The following EFHC1 variants were observed in gnomAD, a reference collection of about 807,000 sequenced individuals.
EFHC1 encodes the protein EF-hand domain-containing protein 1.
EFHC1 carries 53 observed loss-of-function variants against 69.9 expected under a neutral mutation model. The ratio of observed to expected loss-of-function variants is 0.76; its 90% CI spans 0.61 to 0.95. The LOEUF is 0.95. EFHC1 is among the 40% of genes least tolerant of loss of function. EFHC1 has a pLI of 0.00. For missense variants in EFHC1, 739 were observed against 798.7 expected (o/e 0.93, Z 0.90); for synonymous variants, 256 against 278.4 (o/e 0.92, Z 0.80).
intron 5 of EFHC1, among the ~76,000 whole-genome samples, chr6:52,456,370 G>A (rs754251217): frequency 7.0e-4 from 106 of 152,038 alleles, no homozygotes; most frequent in Admixed American, 1.2e-3. Flanking sequence ...CATGCAGTTC[G>A]GAGCTAACAA....
intron 2 of EFHC1, among the ~76,000 whole-genome samples, chr6:52,433,729 C>G (rs191353333): frequency 4.0e-5 from 6 of 151,406 alleles, no homozygotes; most frequent in Non-Finnish European, 8.9e-5. Flanking sequence ...GGGTGGGCCC[C>G]TAGAACTCCC....
At chr6:52,480,231 C>T (rs1581847974) in intron 9 of EFHC1, 1 of 272,252 alleles carries the variant, frequency 3.7e-6, no homozygotes, top group East Asian at 9.8e-5. Flanking sequence ...AAATTATTTA[C>T]TATTCATTAA....
At chr6:52,466,119 C>T (rs1418613881) in intron 6 of EFHC1, among the ~76,000 whole-genome samples, 1 of 152,004 alleles carries the variant, frequency 6.6e-6, no homozygotes, top group East Asian at 1.9e-4. Flanking sequence ...AAAATACATG[C>T]ATTCATACAA....
chr6:52,441,612 A>T lies in EFHC1; in HGVS notation c.573+3021A>T, dbSNP rs142943922. ...CTTTTTGGGTACCATTGAATTTTAA[A>T]GTATTTTTTTCTAGTTCTGTGAAGA... is the stretch of plus-strand genomic sequence containing the variant. On this transcript the variant is annotated intron_variant, in intron 3 of 10. Transcript: ENST00000371068. Among the ~76,000 whole-genome samples the T allele has an allele frequency of 2.7e-3, 410 of 152,242 alleles. 4 individuals are homozygous for T. The highest frequency in any genetic ancestry group is 9.4e-3 in the African/African-American group (392 of 41,560).
intron 5 of EFHC1, among the ~76,000 whole-genome samples, chr6:52,463,318 G>C (rs779576958): frequency 6.6e-6 from 1 of 151,584 alleles, no homozygotes; most frequent in African/African-American, 2.4e-5. Context: ...CACTGTGCCC[G>C]GCCAAAACGA....
At chr6:52,454,983 T>A (rs1295758996) in intron 5 of EFHC1, among the ~76,000 whole-genome samples, 1 of 151,992 alleles carries the variant, frequency 6.6e-6, no homozygotes, top group Non-Finnish European at 1.5e-5. Flanking sequence ...TCCCAGCTAC[T>A]TGGGAGGCTG....
chr6:52,451,578 A>C (rs1368889871), intron 3 of EFHC1, among the ~76,000 whole-genome samples: 4 of 151,952 alleles, frequency 2.6e-5, no homozygotes, highest in African/African-American at 9.7e-5. Context: ...TCTTTCTTTC[A>C]TTTTGACCTT....
rs1765963004 is a variant in EFHC1 at position 52,493,413 on chromosome 6, A to C, written c.*1072A>C. The C allele has an allele frequency of 3.3e-6, 1 of 303,308 alleles. No individual in the cohort carries two copies. Among genetic ancestry groups the C allele is most frequent in the Non-Finnish European group, 6.4e-6 (1 of 156,606 alleles). 18.8% of individuals were successfully genotyped at this position (303,308 alleles called of 1,614,324 possible). ...TATATGTACACATTCATACACACAC[A>C]CGCTTATATGTATACATATAGTATG... On this transcript the variant is annotated 3_prime_UTR_variant, in exon 11 of 11. Transcript: ENST00000371068.
chr6:52,454,019 T>C lies in EFHC1; in HGVS notation c.724-76T>C, dbSNP rs1343933386. 8 of 1,608,872 alleles carry C rather than the reference T, an allele frequency of 5.0e-6. No homozygotes were observed. The Admixed American group carries it at 1.3e-4, about 27-fold the overall frequency. ...TTCCAGCTAGTCTTTCCATCGTTGA[T>C]ACATAATTGCCAAAGTAGCCAAGTT... On this transcript the variant is annotated intron_variant, in intron 4 of 10. Transcript: ENST00000371068.
rs2114046425 is a variant in EFHC1 at position 52,496,333 on chromosome 6, T to TA, written c.*3997dup. On this transcript the variant is annotated 3_prime_UTR_variant, in exon 11 of 11. Coordinates refer to ENST00000371068, the MANE Select transcript of EFHC1 (RefSeq NM_018100.4). ...ATAGTGCTTACGGCTTTGGGACTAATAAAAATCTGCCTTGCGGGTAAAGAT... is the reference window on the plus strand; with the variant it reads ...ATAGTGCTTACGGCTTTGGGACTAATAAAAAATCTGCCTTGCGGGTAAAGAT... 6.6e-6 allele frequency: 1 copy of TA among 152,408 alleles called. No homozygotes were observed. Among genetic ancestry groups the TA allele is most frequent in the East Asian group, 1.9e-4 (1 of 5,180 alleles). 9.4% of individuals were successfully genotyped at this position (152,408 alleles called of 1,614,324 possible).
At position 52,495,740 on chromosome 6, in the gene EFHC1, G is replaced by C. The variant is rs1000637938; in HGVS notation, c.*3399G>C. ...AGTAGCTAGGCCTGTAGTCTCAGAG[G>C]GAACTGTCTTCAATAAAGTTGGCAC... On this transcript the variant is annotated 3_prime_UTR_variant, in exon 11 of 11. Coordinates refer to ENST00000371068, the MANE Select transcript of EFHC1 (RefSeq NM_018100.4). 2.1e-5 allele frequency: 8 copies of C among 378,962 alleles called. No individual in the cohort carries two copies. Among genetic ancestry groups the C allele is most frequent in the African/African-American group, 1.5e-4 (7 of 47,260 alleles). 23.5% of individuals were successfully genotyped at this position (378,962 alleles called of 1,614,324 possible).
intron 5 of EFHC1, among the ~76,000 whole-genome samples, chr6:52,461,672 T>G (rs1159402923): frequency 6.6e-6 from 1 of 152,144 alleles, no homozygotes; most frequent in Non-Finnish European, 1.5e-5. Flanking sequence ...TTGAACTCAT[T>G]TACCCTCCCA....
intron 5 of EFHC1, among the ~76,000 whole-genome samples, chr6:52,457,110 A>G (rs906801346): frequency 2.2e-4 from 34 of 152,242 alleles, no homozygotes; most frequent in Non-Finnish European, 4.4e-5. Flanking sequence ...ACCATTTCAC[A>G]TGCTAAATGC....
chr6:52,453,027 T>C (rs768573745), intron 4 of EFHC1, 190 bp downstream of exon 4: 2 of 1,530,858 alleles, frequency 1.3e-6, no homozygotes, highest in Admixed American at 2.0e-5. Flanking sequence ...ACATTTCATA[T>C]GGAGATCCAA....
At position 52,452,829 on chromosome 6, in the gene EFHC1, G is replaced by A. The variant is rs1186596181; in HGVS notation, c.715G>A (p.Asp239Asn). 1 of 1,614,108 alleles carries A rather than the reference G, an allele frequency of 6.2e-7. No individual in the cohort carries two copies. The highest frequency in any genetic ancestry group is 1.1e-5 in the South Asian group (1 of 91,082). ...TCAACTCAAGCAATTTCTCACCTTT[G>A]ACAAACAGGTAAGTGACATAGGAAC... ...FDQLKQFLTFDKQVLRFYAIW... is the reference protein window; with the variant it reads ...FDQLKQFLTFNKQVLRFYAIW... Residue 239 changes from aspartate (D) to asparagine (N), a missense_variant, in exon 4 of 11, where the codon GAC becomes AAC. Transcript: ENST00000371068.
intron 9 of EFHC1, chr6:52,487,560 T>C (rs1765812129): frequency 6.6e-6 from 1 of 151,850 alleles, no homozygotes; most frequent in South Asian, 2.1e-4. Flanking sequence ...GAAGCCATTG[T>C]CATTTTCATC....
intron 5 of EFHC1, among the ~76,000 whole-genome samples, chr6:52,462,486 T>C (rs1054454565): frequency 3.9e-5 from 6 of 152,110 alleles, no homozygotes; most frequent in African/African-American, 1.4e-4. Flanking sequence ...CAGAGAAGAT[T>C]TGTCAAGTCA....
chr6:52,449,240 A>AG (rs1764860911), intron 3 of EFHC1, among the ~76,000 whole-genome samples: 1 of 152,032 alleles, frequency 6.6e-6, no homozygotes, highest in Non-Finnish European at 1.5e-5. Context: ...AAAATTAGCC[A>AG]GGCGTGGTGG....
At chr6:52,430,792 T>A (rs653346) in intron 2 of EFHC1, among the ~76,000 whole-genome samples, 1 of 152,146 alleles carries the variant, frequency 6.6e-6, no homozygotes, top group East Asian at 1.9e-4. Flanking sequence ...AGTTTTTCTT[T>A]GAATATCTGG....
Sources: allele counts gnomAD v4.1 joint callset (sites outside exome capture counted in the v4.1 genomes callset), GRCh38; gene constraint gnomAD v4.1.1; transcripts MANE v1.5; gene names NCBI Gene and HGNC (gene_info 2026-07-23, HGNC 2026-07-21).